NPSR1: variants seen among roughly 807,000 people sequenced by gnomAD.
NPSR1 encodes neuropeptide S receptor.
Under a neutral mutation model 46.9 loss-of-function variants are expected in NPSR1, and 48 were observed. The ratio of observed to expected loss-of-function variants is 1.02; its 90% confidence interval spans 0.81 to 1.30. NPSR1 has a LOEUF of 1.30. NPSR1 is among the 50% of genes most tolerant of loss of function. The pLI, the probability that NPSR1 is intolerant of heterozygous loss-of-function variation, is 0.00. For synonymous variants in NPSR1, 176 were observed against 168.1 expected, an observed-to-expected ratio of 1.05 and a Z score of -0.36; for missense variants, 450 against 449.5, an observed-to-expected ratio of 1.00 and a Z score of -0.01.
At chr7:34,747,357 G>A (rs1047797115) in intron 2 of NPSR1, among the ~76,000 whole-genome samples, 4 of 152,144 alleles carry the variant, frequency 2.6e-5, no homozygotes, top group Non-Finnish European at 4.4e-5. Context: ...CTATGCGAGT[G>A]TCTAGGCAGA....
At chr7:34,683,307 C>T (rs376410637) in intron 1 of NPSR1, among the ~76,000 whole-genome samples, 2 of 151,764 alleles carry the variant, frequency 1.3e-5, no homozygotes, top group South Asian at 2.1e-4. Flanking sequence ...ATTCGCCGGG[C>T]GTGGTGGTGG....
chr7:34,706,690 C>G (rs1794129737), intron 2 of NPSR1, among the ~76,000 whole-genome samples: 1 of 151,804 alleles, frequency 6.6e-6, no homozygotes, highest in South Asian at 2.1e-4. Flanking sequence ...TCAAAGTGTC[C>G]CCAAAATGTA....
intron 1 of NPSR1, among the ~76,000 whole-genome samples, chr7:34,669,494 G>T (rs1349743743): frequency 1.3e-5 from 2 of 151,876 alleles, no homozygotes; most frequent in East Asian, 3.9e-4. Flanking sequence ...GCTTGATCCC[G>T]GGAGGCAGAG....
chr7:34,789,696 G>A (rs181892212), intron 3 of NPSR1, among the ~76,000 whole-genome samples: 370 of 137,498 alleles, frequency 2.7e-3, no homozygotes, highest in East Asian at 0.016. Flanking sequence ...AGGAGGCTGA[G>A]GCAAGAGAAT....
At chr7:34,834,306 G>C in intron 5 of NPSR1, 78 bp from the exon 6 acceptor site, 1 of 1,015,446 alleles carries the variant, frequency 9.8e-7, no homozygotes, top group Non-Finnish European at 1.6e-6. Flanking sequence ...CACTCGGGGA[G>C]GTGGGAGTGG....
At chr7:34,811,608 C>A (rs913178528) in intron 3 of NPSR1, among the ~76,000 whole-genome samples, 162 bp from the exon 4 acceptor site, 22 of 152,272 alleles carry the variant, frequency 1.4e-4, no homozygotes, top group Middle Eastern at 3.4e-3. Flanking sequence ...ATTTCCCTTT[C>A]TCTTGTCCAT....
intron 5 of NPSR1, among the ~76,000 whole-genome samples, chr7:34,833,692 C>T (rs2128759440): frequency 6.6e-6 from 1 of 152,320 alleles, no homozygotes; most frequent in Non-Finnish European, 1.5e-5. Context: ...TAACCGGGTC[C>T]TCTGCTCATG....
intron 3 of NPSR1, among the ~76,000 whole-genome samples, chr7:34,779,097 T>C (rs779995392): frequency 5.9e-5 from 9 of 152,138 alleles, no homozygotes; most frequent in South Asian, 4.1e-4. Flanking sequence ...TTTTAGTTTT[T>C]CTAAGATCTA....
chr7:34,816,283 T>C (rs13307446), intron 4 of NPSR1, among the ~76,000 whole-genome samples: 1 of 107,066 alleles, frequency 9.3e-6, no homozygotes, highest in Non-Finnish European at 1.9e-5. Context: ...TCTGATAAAA[T>C]AGACTTTAAA....
At chr7:34,658,583 G>A (rs1012375763) in intron 1 of NPSR1, 24 bp downstream of exon 1, 1 of 1,610,878 alleles carries the variant, frequency 6.2e-7, no homozygotes, top group Non-Finnish European at 8.5e-7. Context: ...CTGCGACTCT[G>A]AACACTGACT....
chr7:34,810,446 G>A (rs1021654597), intron 3 of NPSR1, among the ~76,000 whole-genome samples: 6 of 152,256 alleles, frequency 3.9e-5, no homozygotes, highest in African/African-American at 1.2e-4. Context: ...ATAATTAAAA[G>A]GTGTGGGTAA....
At chr7:34,730,906 A>G (rs1361811827) in intron 2 of NPSR1, among the ~76,000 whole-genome samples, 6 of 152,210 alleles carry the variant, frequency 3.9e-5, no homozygotes, top group Non-Finnish European at 8.8e-5. Context: ...CCTAATAAAC[A>G]TTCACCAAAG....
At chr7:34,768,845 A>C (rs999018740) in intron 2 of NPSR1, among the ~76,000 whole-genome samples, 1 of 152,136 alleles carries the variant, frequency 6.6e-6, no homozygotes, top group African/African-American at 2.4e-5. Flanking sequence ...AATAAGGTAA[A>C]ATAAGGAGGA....
chr7:34,700,742 T>C (rs1793786407), intron 2 of NPSR1, among the ~76,000 whole-genome samples: 1 of 152,208 alleles, frequency 6.6e-6, no homozygotes, highest in African/African-American at 2.4e-5. Context: ...TTCTGAGCCC[T>C]ATGACCTATG....
chr7:34,754,928 A>G (rs978898194), intron 2 of NPSR1, among the ~76,000 whole-genome samples: 4 of 152,108 alleles, frequency 2.6e-5, no homozygotes, highest in Non-Finnish European at 5.9e-5. Context: ...TAACACTTTC[A>G]AGGTTCATTT....
intron 1 of NPSR1, among the ~76,000 whole-genome samples, chr7:34,660,961 G>A (rs1170554369): frequency 6.6e-6 from 1 of 152,084 alleles, no homozygotes; most frequent in East Asian, 1.9e-4. Flanking sequence ...ATATGTGTTG[G>A]CTGAATGTGT....
intron 2 of NPSR1, among the ~76,000 whole-genome samples, chr7:34,733,194 G>GGT (rs991488656): frequency 6.6e-6 from 1 of 152,124 alleles, no homozygotes; most frequent in Non-Finnish European, 1.5e-5. Flanking sequence ...AGCCACAGTG[G>GGT]GTGGATCACG....
intron 7 of NPSR1, among the ~76,000 whole-genome samples, chr7:34,846,173 A>T (rs1790735514): frequency 6.6e-6 from 1 of 152,182 alleles, no homozygotes; most frequent in Non-Finnish European, 1.5e-5. Flanking sequence ...GATAGTCAGA[A>T]GCACAGATGC....
At chr7:34,732,079 C>CAAAAAAA (rs535991989) in intron 2 of NPSR1, among the ~76,000 whole-genome samples, 2 of 93,912 alleles carry the variant, frequency 2.1e-5, no homozygotes, top group Non-Finnish European at 4.2e-5. Context: ...GACTTCATCT[C>CAAAAAAA]AAAAAAAAAA....
Sources: gnomAD v4.1 joint callset for allele counts (sites outside exome capture counted in the v4.1 genomes callset) on GRCh38, gnomAD v4.1.1 for gene constraint, MANE v1.5 for transcripts, NCBI Gene and HGNC (gene_info 2026-07-23, HGNC 2026-07-21) for gene names.